VWA3B: variants seen among roughly 807,000 people sequenced by gnomAD.
VWA3B encodes the protein von Willebrand factor A domain containing 3B.
A neutral mutation model predicts 158.3 loss-of-function variants in VWA3B; 138 were observed. The observed-to-expected ratio is 0.87, with a 90% CI of 0.76 to 1.00. The LOEUF (loss-of-function observed/expected upper bound fraction) is 1.00. VWA3B is among the 50% of genes least tolerant of loss of function. The probability of loss-of-function intolerance (pLI) is 0.00; values close to 1 mark genes in which losing one functional copy is unlikely to be tolerated. For missense variants in VWA3B, 1,555 were observed against 1,565.1 expected, an observed-to-expected ratio of 0.99 and a Z score of 0.11; for synonymous variants, 596 against 587.3, an observed-to-expected ratio of 1.01 and a Z score of -0.21.
intron 15 of VWA3B, among the ~76,000 whole-genome samples, chr2:98,229,443 G>A (rs1442218576): frequency 6.6e-6 from 1 of 152,212 alleles, no homozygotes; most frequent in Non-Finnish European, 1.5e-5. Context: ...AAATTGCTCT[G>A]GAAGTTTTCC....
chr2:98,119,475 G>C, intron 3 of VWA3B, 38 bp from the exon 4 acceptor site: 2 of 1,607,740 alleles, frequency 1.2e-6, no homozygotes, highest in Non-Finnish European at 1.7e-6. Context: ...ACTTATTTTG[G>C]TGTTGTTTTA....
At chr2:98,280,044 A>G (rs545583314) in intron 22 of VWA3B, among the ~76,000 whole-genome samples, 3 of 152,394 alleles carry the variant, frequency 2.0e-5, no homozygotes, top group Non-Finnish European at 2.9e-5. Context: ...CAGTGCCACG[A>G]AAGTGGCTCC....
intron 7 of VWA3B, among the ~76,000 whole-genome samples, chr2:98,160,330 G>GTTTTC (rs1029767711): frequency 6.6e-6 from 1 of 152,002 alleles, no homozygotes; most frequent in African/African-American, 2.4e-5. Context: ...GTTTTGTTTT[G>GTTTTC]TTTTCTTTTC....
intron 24 of VWA3B, 66 bp from the exon 25 acceptor site, chr2:98,300,013 T>A: frequency 6.3e-7 from 1 of 1,598,246 alleles, no homozygotes. Flanking sequence ...ATTTTAAAAC[T>A]TGCTTATGTT....
Position 98,133,950 on chromosome 2 carries a change from T to A in VWA3B, c.988+11T>A. On this transcript the variant is annotated intron_variant, in intron 7 of 27. Coordinates refer to ENST00000477737, the MANE Select transcript of VWA3B (RefSeq NM_144992.5). ...GAAAACTCCCTCCAGGTACCTGGAA[T>A]CCAAAAGAAGTGGTGTAGCTTATGT... The A allele has an allele frequency of 6.2e-7, 1 of 1,606,984 alleles. No individual in the cohort carries two copies. The highest frequency in any genetic ancestry group is 8.5e-7 in the Non-Finnish European group (1 of 1,173,488).
chr2:98,154,795 G>T (rs1012106004), intron 7 of VWA3B, among the ~76,000 whole-genome samples: 1 of 152,188 alleles, frequency 6.6e-6, no homozygotes, highest in Non-Finnish European at 1.5e-5. Flanking sequence ...GCAGATTTCC[G>T]ACTGCATTTG....
At chr2:98,305,954 C>G (rs1690495983) in intron 26 of VWA3B, among the ~76,000 whole-genome samples, 1 of 152,112 alleles carries the variant, frequency 6.6e-6, no homozygotes, top group African/African-American at 2.4e-5. Context: ...TGGTCTGGCC[C>G]AGACCTGCCT....
chr2:98,291,870 T>C (rs1224867264), intron 23 of VWA3B: 1 of 151,268 alleles, frequency 6.6e-6, no homozygotes, highest in Non-Finnish European at 1.5e-5. Flanking sequence ...ACCACAGAAG[T>C]CATCACTGAA....
At chr2:98,325,725 G>A in the VWA3B span, among the ~76,000 whole-genome samples, 16 of 152,100 alleles carry the variant, frequency 1.1e-4, no homozygotes, top group African/African-American at 3.9e-4. Flanking sequence ...CACGTGGAGG[G>A]GTGAATGGAC....
intron 2 of VWA3B, among the ~76,000 whole-genome samples, chr2:98,108,732 A>T (rs995455787): frequency 6.6e-6 from 1 of 151,836 alleles, no homozygotes; most frequent in Non-Finnish European, 1.5e-5. Context: ...TATATATATA[A>T]TTATATTTGA....
chr2:98,150,235 G>A (rs1343063664), intron 7 of VWA3B, among the ~76,000 whole-genome samples: 1 of 152,138 alleles, frequency 6.6e-6, no homozygotes, highest in Non-Finnish European at 1.5e-5. Flanking sequence ...ATTCCTATAG[G>A]TACATTAATT....
At chr2:98,114,473 C>T (rs573794795) in intron 2 of VWA3B, among the ~76,000 whole-genome samples, 1 of 152,246 alleles carries the variant, frequency 6.6e-6, no homozygotes, top group African/African-American at 2.4e-5. Context: ...CTTGAAATCA[C>T]CCCTTGTGAT....
intron 22 of VWA3B, among the ~76,000 whole-genome samples, chr2:98,281,431 G>A (rs1045839983): frequency 1.3e-5 from 2 of 152,218 alleles, no homozygotes; most frequent in Admixed American, 6.5e-5. Flanking sequence ...AAAGAAGCAT[G>A]TTGGAGCTGC....
At chr2:98,161,427 G>T (rs1452078359) in intron 7 of VWA3B, among the ~76,000 whole-genome samples, 1 of 152,194 alleles carries the variant, frequency 6.6e-6, no homozygotes, top group Admixed American at 6.5e-5. Flanking sequence ...CTCCATCAGG[G>T]GGTGTGCTTC....
At chr2:98,189,741 A>T (rs1023794422) in intron 10 of VWA3B, among the ~76,000 whole-genome samples, 1 of 152,148 alleles carries the variant, frequency 6.6e-6, no homozygotes, top group Non-Finnish European at 1.5e-5. Context: ...TTGAGGCTCT[A>T]TTAATAGTTG....
At chr2:98,167,117 AGGAGAGAT>A (rs1042789665) in intron 8 of VWA3B, among the ~76,000 whole-genome samples, 3 of 152,156 alleles carry the variant, frequency 2.0e-5, no homozygotes, top group Non-Finnish European at 4.4e-5. Context: ...TGCAGACCCC[AGGAGAGAT>A]GGTGGCCAGC....
intron 26 of VWA3B, among the ~76,000 whole-genome samples, chr2:98,305,037 G>A (rs143148164): frequency 2.0e-5 from 3 of 152,176 alleles, no homozygotes; most frequent in East Asian, 3.9e-4. Context: ...GACCTCTCAC[G>A]AGCCTGAACC....
At chr2:98,248,813 T>C (rs1558723979) in intron 19 of VWA3B, among the ~76,000 whole-genome samples, 1 of 151,092 alleles carries the variant, frequency 6.6e-6, no homozygotes, top group South Asian at 2.1e-4. Context: ...CTGTCTCTCT[T>C]TCTCTTTCTT....
chr2:98,304,942 C>T (rs1690427816), intron 26 of VWA3B, among the ~76,000 whole-genome samples: 1 of 152,140 alleles, frequency 6.6e-6, no homozygotes, highest in South Asian at 2.1e-4. Flanking sequence ...ACTCAACGTC[C>T]CCACTCTCCT....
Sources: allele counts gnomAD v4.1 joint callset (sites outside exome capture counted in the v4.1 genomes callset), GRCh38; gene constraint gnomAD v4.1.1; transcripts MANE v1.5; gene names NCBI Gene and HGNC (gene_info 2026-07-23, HGNC 2026-07-21).